Variants in PCDHA8 observed in about 807,000 individuals in gnomAD.
The protein encoded by PCDHA8 is protocadherin alpha-8.
Under a neutral mutation model 61.8 loss-of-function variants are expected in PCDHA8, and 53 were observed. The ratio of observed to expected loss-of-function variants is 0.86; its 90% CI spans 0.69 to 1.08. PCDHA8 has a LOEUF of 1.08. Among genes scored for constraint, PCDHA8 ranks in the 50% least tolerant of loss-of-function variants. The probability of loss-of-function intolerance (pLI) is 0.00; values close to 1 mark genes in which losing one functional copy is unlikely to be tolerated. For synonymous variants in PCDHA8, 618 were observed against 556.6 expected (o/e 1.11, Z -1.55); for missense variants, 1,293 against 1,245.0 (o/e 1.04, Z -0.58).
intron 1 of PCDHA8, chr5:140,928,743 G>C: frequency 6.2e-7 from 1 of 1,614,138 alleles, no homozygotes; most frequent in Non-Finnish European, 8.5e-7. Context: ...ATATAGGTGA[G>C]CTCCGTACTG....
chr5:141,009,791 CCTA>C lies in PCDHA8; in HGVS notation c.2711_2713del (p.Thr904del), dbSNP rs2098414479. 1.2e-6 allele frequency: 2 copies of C among 1,613,966 alleles called. No homozygotes were observed. Among genetic ancestry groups the C allele is most frequent in the African/African-American group, 2.7e-5 (2 of 74,882 alleles). On this transcript the variant is annotated inframe_deletion, in exon 4 of 4. Coordinates refer to ENST00000531613, the MANE Select transcript of PCDHA8 (RefSeq NM_018911.3). ...TGCAATCATCTCCATCCGGCAGGAGCCTACTAACAGCCAAATTGACAAAAGTGA... is the reference window on the plus strand; with the variant it reads ...TGCAATCATCTCCATCCGGCAGGAGCCTAACAGCCAAATTGACAAAAGTGA...
chr5:140,955,036 T>C (rs2095128891), intron 1 of PCDHA8, among the ~76,000 whole-genome samples: 1 of 152,210 alleles, frequency 6.6e-6, no homozygotes, highest in Non-Finnish European at 1.5e-5. Context: ...AGGGAATCTT[T>C]TCCTCATTGC....
chr5:140,850,420 C>T lies in PCDHA8; in HGVS notation c.2394+6705C>T. The T allele has an allele frequency of 1.9e-6, 3 of 1,597,930 alleles. 1 individual carries two copies. The highest frequency in any genetic ancestry group is 2.6e-6 in the Non-Finnish European group (3 of 1,167,744). ...ACGCGTGCCCTGGACGAAACGGACG[C>T]ACCGCGCCAGCGCCTACTGGTGCTG... On this transcript the variant is annotated intron_variant, in intron 1 of 3. Transcript: ENST00000531613.
chr5:140,938,025 C>A (rs1431326044), intron 1 of PCDHA8, among the ~76,000 whole-genome samples: 5 of 151,978 alleles, frequency 3.3e-5, no homozygotes, highest in Non-Finnish European at 7.4e-5. Context: ...AGTAAAATCT[C>A]ATATTTTTAT....
intron 1 of PCDHA8, chr5:140,870,758 T>C: frequency 1.2e-6 from 2 of 1,613,530 alleles, no homozygotes; most frequent in African/African-American, 2.7e-5. Flanking sequence ...ACGCTGCAGG[T>C]GTTCGTGCTG....
intron 1 of PCDHA8, chr5:140,869,322 C>T (rs1169893950): frequency 1.9e-6 from 3 of 1,613,818 alleles, no homozygotes; most frequent in East Asian, 4.5e-5. Flanking sequence ...CACATGGGGA[C>T]CTTCTGGAGG....
At chr5:140,927,526 G>T in intron 1 of PCDHA8, 3 of 1,614,086 alleles carry the variant, frequency 1.9e-6, no homozygotes, top group Non-Finnish European at 2.5e-6. Flanking sequence ...CGGGCTACCT[G>T]CCCGCTCAGG....
intron 1 of PCDHA8, chr5:140,861,505 A>G: frequency 2.1e-6 from 1 of 482,692 alleles, no homozygotes; most frequent in African/African-American, 2.0e-5. Flanking sequence ...ATAGACCTCG[A>G]GGAGCTGTGT....
At chr5:140,848,181 G>A (rs1434722378) in intron 1 of PCDHA8, 4 of 268,526 alleles carry the variant, frequency 1.5e-5, no homozygotes, top group Admixed American at 1.5e-4. Context: ...CAAGAGAAAC[G>A]GGATCTTCTG....
At chr5:140,924,187 G>A (rs1238020963) in intron 1 of PCDHA8, among the ~76,000 whole-genome samples, 1 of 152,220 alleles carries the variant, frequency 6.6e-6, no homozygotes, top group Non-Finnish European at 1.5e-5. Flanking sequence ...CAGAAAATTA[G>A]TTTTGGTTTA....
chr5:140,842,942 G>A lies in PCDHA8; in HGVS notation c.1621G>A (p.Gly541Ser). 1 of 1,594,648 alleles carries A rather than the reference G, an allele frequency of 6.3e-7. No individual in the cohort carries two copies. Among genetic ancestry groups the A allele is most frequent in the Non-Finnish European group, 8.6e-7 (1 of 1,165,478 alleles). ...GTTCCAGGTGAGCGCGCGCGACGCGGGCGTGCCGCCTCTGGGCAGCAACGT... is the reference window on the plus strand; with the variant it reads ...GTTCCAGGTGAGCGCGCGCGACGCGAGCGTGCCGCCTCTGGGCAGCAACGT... ...LQFQVSARDA[G>S]VPPLGSNVTL... is the part of the protein sequence containing the mutation. The change falls in exon 1 of 4, where the codon GGC becomes AGC. Residue 541 changes from glycine to serine, a missense_variant. Transcript: ENST00000531613.
At chr5:140,851,973 C>A in intron 1 of PCDHA8, 1 of 976,422 alleles carries the variant, frequency 1.0e-6, no homozygotes, top group African/African-American at 1.8e-5. Flanking sequence ...CCACACTCTA[C>A]CTTTAGTGCA....
intron 1 of PCDHA8, chr5:140,860,137 A>C (rs941289854): frequency 1.3e-5 from 2 of 150,438 alleles, no homozygotes; most frequent in Non-Finnish European, 3.0e-5. Flanking sequence ...GTGTGTGTAT[A>C]TATATGTATA....
intron 2 of PCDHA8, 141 bp downstream of exon 2, chr5:140,979,148 C>G: frequency 6.9e-7 from 1 of 1,441,158 alleles, no homozygotes; most frequent in South Asian, 1.5e-5. Context: ...TTATTTTGTC[C>G]CCATGTTTAT....
At chr5:140,925,682 G>A (rs1554202871) in intron 1 of PCDHA8, among the ~76,000 whole-genome samples, 1 of 122,672 alleles carries the variant, frequency 8.2e-6, no homozygotes, top group Non-Finnish European at 1.8e-5. Context: ...ATAATAAAGC[G>A]AGGGTGGGTA....
At chr5:140,923,983 T>C (rs1180891950) in intron 1 of PCDHA8, among the ~76,000 whole-genome samples, 1 of 152,220 alleles carries the variant, frequency 6.6e-6, no homozygotes, top group African/African-American at 2.4e-5. Context: ...ACTATCCCTC[T>C]AGGTGCAGCT....
At chr5:140,920,548 C>T (rs1222470517) in intron 1 of PCDHA8, among the ~76,000 whole-genome samples, 5 of 152,186 alleles carry the variant, frequency 3.3e-5, no homozygotes, top group Admixed American at 6.5e-5. Context: ...ATTTCACCTT[C>T]GAAGTGTGGC....
At chr5:140,954,889 G>C (rs2095106564) in intron 1 of PCDHA8, among the ~76,000 whole-genome samples, 1 of 152,070 alleles carries the variant, frequency 6.6e-6, no homozygotes, top group East Asian at 1.9e-4. Flanking sequence ...TTCTTCTAGG[G>C]TTTTTATAGT....
At chr5:140,966,695 C>CGGGCGTG in intron 1 of PCDHA8, 1 of 1,358,486 alleles carries the variant, frequency 7.4e-7, no homozygotes, top group Non-Finnish European at 9.5e-7. Flanking sequence ...AGGCGGGGCC[C>CGGGCGTG]GGGCGTGGGG....
Sources: gnomAD v4.1 joint callset for allele counts (sites outside exome capture counted in the v4.1 genomes callset) on GRCh38, gnomAD v4.1.1 for gene constraint, MANE v1.5 for transcripts, NCBI Gene and HGNC (gene_info 2026-07-23, HGNC 2026-07-21) for gene names.